The following ASIC2 variants were observed in gnomAD, a reference collection of about 807,000 sequenced individuals.
ASIC2 encodes acid-sensing ion channel 2.
In ASIC2, 25 loss-of-function variants were observed where a neutral mutation model predicts 57.3. The ratio of observed to expected loss-of-function variants is 0.44; its 90% CI spans 0.32 to 0.61. The LOEUF (loss-of-function observed/expected upper bound fraction) is 0.61, where lower values mean the gene tolerates loss of function less well. ASIC2 is among the 20% of genes least tolerant of loss of function. The pLI, the probability that ASIC2 is intolerant of heterozygous loss-of-function variation, is 0.06. For missense variants in ASIC2, 641 were observed against 738.1 expected (o/e 0.87, Z 1.52); for synonymous variants, 319 against 307.5 (o/e 1.04, Z -0.39).
At chr17:33,836,004 T>C (rs1913262696) in intron 1 of ASIC2, among the ~76,000 whole-genome samples, 1 of 151,170 alleles carries the variant, frequency 6.6e-6, no homozygotes, top group Non-Finnish European at 1.5e-5. Context: ...CTAATAATTA[T>C]GTCTATCGTA....
At chr17:33,469,837 A>G (rs1289607509) in intron 1 of ASIC2, among the ~76,000 whole-genome samples, 1 of 152,198 alleles carries the variant, frequency 6.6e-6, no homozygotes, top group African/African-American at 2.4e-5. Context: ...ATAGAGAGTG[A>G]AGAATTTGGA....
intron 1 of ASIC2, among the ~76,000 whole-genome samples, chr17:34,128,343 G>A (rs898661874): frequency 3.3e-5 from 5 of 152,146 alleles, no homozygotes; most frequent in East Asian, 3.9e-4. Context: ...GAGCCTCATA[G>A]GACCTGGCAA....
chr17:33,564,989 A>T (rs1916189659), intron 1 of ASIC2, among the ~76,000 whole-genome samples: 1 of 152,172 alleles, frequency 6.6e-6, no homozygotes, highest in Non-Finnish European at 1.5e-5. Context: ...AAACAATGCT[A>T]ATGACTGGTT....
At chr17:33,588,878 A>G (rs1375969153) in intron 1 of ASIC2, among the ~76,000 whole-genome samples, 1 of 152,174 alleles carries the variant, frequency 6.6e-6, no homozygotes, top group Non-Finnish European at 1.5e-5. Flanking sequence ...ACTGTGTATC[A>G]TTTATGCTAT....
At chr17:34,030,348 G>C (rs1907548383) in intron 1 of ASIC2, among the ~76,000 whole-genome samples, 1 of 152,160 alleles carries the variant, frequency 6.6e-6, no homozygotes, top group African/African-American at 2.4e-5. Flanking sequence ...CCTACTATCT[G>C]AATTAACACC....
intron 1 of ASIC2, among the ~76,000 whole-genome samples, chr17:33,916,000 C>T (rs958137530): frequency 2.6e-5 from 4 of 152,164 alleles, no homozygotes; most frequent in Non-Finnish European, 5.9e-5. Flanking sequence ...GAGGATACCA[C>T]AGGGTGTTTC....
At chr17:33,199,062 C>T (rs561329788) in intron 1 of ASIC2, among the ~76,000 whole-genome samples, 1 of 152,330 alleles carries the variant, frequency 6.6e-6, no homozygotes, top group South Asian at 2.1e-4. Context: ...AATGATAAGT[C>T]TGTTAACGAA....
At chr17:33,969,211 TG>T (rs1179311291) in intron 1 of ASIC2, among the ~76,000 whole-genome samples, 2 of 152,212 alleles carry the variant, frequency 1.3e-5, no homozygotes, top group African/African-American at 4.8e-5. Context: ...CCTCGCTTCT[TG>T]GGGGACTTTG....
chr17:33,670,848 A>G (rs1030771522), intron 1 of ASIC2, among the ~76,000 whole-genome samples: 8 of 152,234 alleles, frequency 5.3e-5, no homozygotes, highest in African/African-American at 9.6e-5. Flanking sequence ...TCACATTGGT[A>G]TATGTAAAAG....
At chr17:33,028,417 G>GC (rs2075840524) in intron 3 of ASIC2, 25 bp from the exon 4 acceptor site, 1 of 1,613,214 alleles carries the variant, frequency 6.2e-7, no homozygotes, top group Admixed American at 1.7e-5. Flanking sequence ...GGAGGGGGCG[G>GC]CAGTCAGCCT....
intron 1 of ASIC2, among the ~76,000 whole-genome samples, chr17:33,497,355 T>C (rs578200643): frequency 2.0e-5 from 3 of 152,354 alleles, no homozygotes; most frequent in African/African-American, 7.2e-5. Context: ...GTTGCCTCCT[T>C]TATCTTCTTC....
intron 1 of ASIC2, chr17:33,792,989 C>T (rs1171465928): frequency 6.6e-6 from 1 of 152,198 alleles, no homozygotes; most frequent in African/African-American, 2.4e-5. Flanking sequence ...CTGCCCAGAA[C>T]AGGACTTTGA....
intron 1 of ASIC2, among the ~76,000 whole-genome samples, chr17:33,340,597 C>T (rs1907683619): frequency 6.6e-6 from 1 of 151,976 alleles, no homozygotes; most frequent in Non-Finnish European, 1.5e-5. Flanking sequence ...CTTGGGTTTT[C>T]TGGGAGATGA....
intron 1 of ASIC2, among the ~76,000 whole-genome samples, chr17:33,455,110 A>C (rs891819920): frequency 2.0e-5 from 3 of 152,240 alleles, no homozygotes; most frequent in African/African-American, 7.2e-5. Context: ...GTATACAGGT[A>C]TCCTAATGTG....
intron 3 of ASIC2, among the ~76,000 whole-genome samples, chr17:33,066,090 C>T (rs1294517307): frequency 6.6e-6 from 1 of 152,170 alleles, no homozygotes; most frequent in African/African-American, 2.4e-5. Flanking sequence ...TCAGGATTTC[C>T]TCTCGGGGAG....
chr17:33,771,951 G>GTTGGGACTCAGA (rs1355105256), intron 1 of ASIC2, among the ~76,000 whole-genome samples: 1 of 152,098 alleles, frequency 6.6e-6, no homozygotes, highest in Non-Finnish European at 1.5e-5. Context: ...TATGTAAATT[G>GTTGGGACTCAGA]TTGGGACTCA....
intron 1 of ASIC2, among the ~76,000 whole-genome samples, chr17:34,081,639 C>T (rs1909887432): frequency 1.3e-5 from 2 of 152,218 alleles, no homozygotes; most frequent in South Asian, 4.1e-4. Context: ...AGTTCGTACT[C>T]TCAGCCCTTA....
chr17:33,724,211 C>G (rs985516923), intron 1 of ASIC2, among the ~76,000 whole-genome samples: 1 of 152,166 alleles, frequency 6.6e-6, no homozygotes, highest in African/African-American at 2.4e-5. Context: ...ACCATGATTA[C>G]GAGGCCTCCC....
intron 1 of ASIC2, among the ~76,000 whole-genome samples, chr17:33,500,762 A>G (rs1346687388): frequency 6.6e-6 from 1 of 152,226 alleles, no homozygotes; most frequent in Non-Finnish European, 1.5e-5. Flanking sequence ...TTTAATGGTA[A>G]GATGTGTGTT....
Sources: allele counts gnomAD v4.1 joint callset (sites outside exome capture counted in the v4.1 genomes callset), GRCh38; gene constraint gnomAD v4.1.1; transcripts MANE v1.5; gene names NCBI Gene and HGNC (gene_info 2026-07-23, HGNC 2026-07-21).